LARP1: variants seen among roughly 807,000 people sequenced by gnomAD.
LARP1 encodes the protein La ribonucleoprotein 1, translational regulator.
Under a neutral mutation model 122.7 loss-of-function variants are expected in LARP1, and 36 were observed. The ratio of observed to expected loss-of-function variants is 0.29; its 90% confidence interval spans 0.22 to 0.39. LARP1 has a LOEUF of 0.39. Ranked by LOEUF, LARP1 falls within the 10% of genes least tolerant of loss-of-function variation. The probability of loss-of-function intolerance (pLI) is 1.00; values close to 1 mark genes in which losing one functional copy is unlikely to be tolerated. For synonymous variants in LARP1, 539 were observed against 528.7 expected (o/e 1.02, Z -0.27); for missense variants, 1,040 against 1,403.6 (o/e 0.74, Z 4.14).
chr5:154,691,951 G>A (rs957231297), intron 1 of LARP1, among the ~76,000 whole-genome samples: 1 of 146,226 alleles, frequency 6.8e-6, no homozygotes, highest in South Asian at 2.3e-4. Flanking sequence ...CACCACGCCC[G>A]GCTAATTTTT....
chr5:154,767,672 C>T (rs536940957), intron 1 of LARP1, among the ~76,000 whole-genome samples: 1 of 152,324 alleles, frequency 6.6e-6, no homozygotes, highest in East Asian at 1.9e-4. Flanking sequence ...TCTTTCATGG[C>T]TTTCTGCAGC....
intron 1 of LARP1, among the ~76,000 whole-genome samples, chr5:154,736,976 C>T (rs1327410225): frequency 6.6e-6 from 1 of 152,120 alleles, no homozygotes; most frequent in Admixed American, 6.6e-5. Flanking sequence ...TCCTTGCTAA[C>T]TCTTGTTATT....
intron 1 of LARP1, among the ~76,000 whole-genome samples, chr5:154,746,017 C>T (rs901430866): frequency 6.6e-6 from 1 of 152,074 alleles, no homozygotes; most frequent in Non-Finnish European, 1.5e-5. Context: ...CCAGGATAGT[C>T]TCAATCTCCT....
upstream of LARP1, among the ~76,000 whole-genome samples, chr5:154,751,171 G>A (rs184819211): frequency 2.2e-4 from 34 of 152,270 alleles, no homozygotes; most frequent in African/African-American, 7.5e-4. Flanking sequence ...GCAATGGAGG[G>A]AAGAGAAGTA....
At chr5:154,712,866 C>T (rs1329127020) in exon 1 of LARP1, 10 of 1,464,830 alleles carry the variant, frequency 6.8e-6, no homozygotes, top group African/African-American at 2.8e-5. Flanking sequence ...GGCAGCTGTG[C>T]GATCTGGATG....
chr5:154,800,772 T>C (rs991332409), intron 10 of LARP1, among the ~76,000 whole-genome samples: 4 of 152,198 alleles, frequency 2.6e-5, no homozygotes, highest in Non-Finnish European at 4.4e-5. Flanking sequence ...GACTGCAGAA[T>C]TGACCTTGAA....
intron 10 of LARP1, 81 bp from the exon 11 acceptor site, chr5:154,801,926 C>G: frequency 3.0e-6 from 4 of 1,353,238 alleles, no homozygotes; most frequent in Non-Finnish European, 4.0e-6. Context: ...GAGGCTGGAG[C>G]TTCCCTCTCA....
At chr5:154,763,982 TC>T (rs1165780345) in intron 1 of LARP1, among the ~76,000 whole-genome samples, 1 of 151,862 alleles carries the variant, frequency 6.6e-6, no homozygotes, top group Non-Finnish European at 1.5e-5. Context: ...GTCACTGCAC[TC>T]CAGCCTGGGC....
intron 1 of LARP1, among the ~76,000 whole-genome samples, chr5:154,758,102 A>G (rs1385361612): frequency 6.6e-6 from 1 of 151,848 alleles, no homozygotes; most frequent in Non-Finnish European, 1.5e-5. Context: ...AAATGGGGCT[A>G]CTCATCCTGG....
chr5:154,809,882 T>G (rs563671563), intron 16 of LARP1, among the ~76,000 whole-genome samples: 1 of 151,960 alleles, frequency 6.6e-6, no homozygotes, highest in Admixed American at 6.6e-5. Context: ...ATTTTTTTTG[T>G]ATTTTTAGTA....
At chr5:154,748,169 G>T (rs1753302622) in intron 1 of LARP1, among the ~76,000 whole-genome samples, 1 of 152,116 alleles carries the variant, frequency 6.6e-6, no homozygotes, top group Non-Finnish European at 1.5e-5. Flanking sequence ...TTTCCAGTTT[G>T]CTAAAGTTAG....
intron 1 of LARP1, among the ~76,000 whole-genome samples, chr5:154,690,169 GCACACAC>G (rs10588077): frequency 0.57 from 86,304 of 151,672 alleles, 25,559 homozygotes; most frequent in Non-Finnish European, 0.67. Context: ...GCGGGGGAGG[GCACACAC>G]ACAAGCCTGC....
At chr5:154,747,230 C>T (rs529638187) in intron 1 of LARP1, among the ~76,000 whole-genome samples, 147 of 149,672 alleles carry the variant, frequency 9.8e-4, no homozygotes, top group African/African-American at 3.5e-3. Context: ...CATTTGAACA[C>T]GGGAGACGGA....
chr5:154,690,204 A>T (rs1754128900), intron 1 of LARP1, among the ~76,000 whole-genome samples: 1 of 152,168 alleles, frequency 6.6e-6, no homozygotes, highest in East Asian at 1.9e-4. Context: ...ACCCCATTGC[A>T]GTTAGACAAT....
At chr5:154,702,764 T>C (rs1272056982) in intron 1 of LARP1, among the ~76,000 whole-genome samples, 1 of 152,102 alleles carries the variant, frequency 6.6e-6, no homozygotes. Flanking sequence ...ACTTGTAGGC[T>C]GAAATACAGT....
intron 1 of LARP1, among the ~76,000 whole-genome samples, chr5:154,782,174 ATAAT>A (rs1186689224): frequency 2.0e-5 from 3 of 152,264 alleles, no homozygotes; most frequent in East Asian, 1.9e-4. Context: ...TCTTTTTGAG[ATAAT>A]TAAGTAAAAT....
chr5:154,731,393 A>G (rs921814331), intron 1 of LARP1, among the ~76,000 whole-genome samples: 2 of 152,188 alleles, frequency 1.3e-5, no homozygotes, highest in Admixed American at 6.5e-5. Flanking sequence ...TTCAAATGTC[A>G]CTTCCTCCAA....
At chr5:154,691,431 C>T (rs1754202173) in intron 1 of LARP1, among the ~76,000 whole-genome samples, 1 of 152,170 alleles carries the variant, frequency 6.6e-6, no homozygotes, top group African/African-American at 2.4e-5. Flanking sequence ...AGCTCACATC[C>T]CCCTGCGACG....
At chr5:154,746,522 G>C (rs546288210) in intron 1 of LARP1, among the ~76,000 whole-genome samples, 1 of 152,190 alleles carries the variant, frequency 6.6e-6, no homozygotes, top group Non-Finnish European at 1.5e-5. Flanking sequence ...TTGTGATGTG[G>C]TGTCACGATC....
Sources: allele counts gnomAD v4.1 joint callset (sites outside exome capture counted in the v4.1 genomes callset), GRCh38; gene constraint gnomAD v4.1.1; transcripts MANE v1.5; gene names NCBI Gene and HGNC (gene_info 2026-07-23, HGNC 2026-07-21).